WARS2: variants seen among roughly 807,000 people sequenced by gnomAD.
WARS2 encodes the protein tryptophanyl tRNA synthetase 2, mitochondrial, also known as tryptophan--tRNA ligase, mitochondrial.
In WARS2, 28 loss-of-function variants were observed where a neutral mutation model predicts 36.5. The observed-to-expected ratio is 0.77, with a 90% CI of 0.57 to 1.05. WARS2 has a LOEUF of 1.05. Ranked by LOEUF, WARS2 falls within the 50% of genes least tolerant of loss-of-function variation. The pLI is 0.00. For missense variants in WARS2, 435 were observed against 456.8 expected (o/e 0.95, Z 0.44); for synonymous variants, 174 against 178.4 (o/e 0.98, Z 0.20).
intron 2 of WARS2, among the ~76,000 whole-genome samples, chr1:119,055,150 T>G (rs1236331020): frequency 6.6e-6 from 1 of 152,232 alleles, no homozygotes; most frequent in Non-Finnish European, 1.5e-5. Context: ...GAGTTTTGTT[T>G]CAATAAATTG....
At position 119,045,641 on chromosome 1, in the gene WARS2, T is replaced by G; in HGVS notation, c.370A>C (p.Ser124Arg). The change falls in exon 3 of 6, where the codon AGT becomes CGT. Residue 124 changes from serine to arginine, a missense_variant. Ser to Arg is a moderately radical substitution (Grantham distance 110). Coordinates refer to ENST00000235521, the MANE Select transcript of WARS2 (RefSeq NM_015836.4). The stretch of plus-strand genomic sequence containing the variant: ...CTGACCATGCAGGAAAGGATCCAAC[T>G]TAATTGTGTGTGTTCAGACACCTAA... ...QSQVSEHTQL[S>R]WILSCMVRLP... 6.3e-7 allele frequency: 1 copy of G among 1,591,960 alleles called. No homozygotes were observed. Among genetic ancestry groups the G allele is most frequent in the Non-Finnish European group, 8.6e-7 (1 of 1,165,922 alleles).
intron 1 of WARS2, among the ~76,000 whole-genome samples, chr1:119,135,706 TTAGATAGACAGA>T (rs1656436485): frequency 7.2e-6 from 1 of 138,844 alleles, no homozygotes; most frequent in African/African-American, 2.6e-5. Context: ...GATAGATAGA[TTAGATAGACAGA>T]TAGATAGATA....
intron 1 of WARS2, among the ~76,000 whole-genome samples, chr1:119,095,444 G>A (rs1472197127): frequency 6.6e-6 from 1 of 151,508 alleles, no homozygotes; most frequent in Non-Finnish European, 1.5e-5. Flanking sequence ...TTTTTTTTGA[G>A]ATGGAGTCTC....
intron 4 of WARS2, among the ~76,000 whole-genome samples, chr1:119,036,685 C>A (rs1647913523): frequency 6.6e-6 from 1 of 152,188 alleles, no homozygotes; most frequent in Admixed American, 6.5e-5. Flanking sequence ...ACAAAGCAAC[C>A]AAACTAAACA....
rs149940339 is a variant in WARS2, at chr1:119,129,478, G to A, written c.90+11077C>T. On this transcript the variant is annotated intron_variant, in intron 1 of 5. Coordinates refer to ENST00000235521, the MANE Select transcript of WARS2 (RefSeq NM_015836.4). ...AATCTCAACACTTTGGGAGGCTGAG[G>A]CAGGAACACCATTTGAGCCCAGGAG... Among the ~76,000 whole-genome samples the A allele has an allele frequency of 3.5e-3, 534 of 152,246 alleles. 4 individuals carry two copies. Among genetic ancestry groups the A allele is most frequent in the South Asian group, 0.029 (138 of 4,824 alleles).
chr1:119,101,773 G>GA (rs917506331), intron 1 of WARS2, among the ~76,000 whole-genome samples: 16 of 152,052 alleles, frequency 1.1e-4, no homozygotes, highest in African/African-American at 3.9e-4. Context: ...ACAAGAGCAG[G>GA]AAAGAGCAGG....
At chr1:119,043,371 C>T (rs115532769) in intron 3 of WARS2, among the ~76,000 whole-genome samples, 2,019 of 152,274 alleles carry the variant, frequency 0.013, 30 homozygotes, top group African/African-American at 0.043. Flanking sequence ...AGGGACCAAG[C>T]TCATGAGCTT....
intron 2 of WARS2, among the ~76,000 whole-genome samples, chr1:119,074,186 G>A (rs1571319563): frequency 6.6e-6 from 1 of 152,184 alleles, no homozygotes; most frequent in Non-Finnish European, 1.5e-5. Context: ...TCCAACATTG[G>A]CAATGGATGT....
intron 1 of WARS2, among the ~76,000 whole-genome samples, chr1:119,091,856 G>A (rs1412032435): frequency 1.3e-5 from 2 of 152,158 alleles, no homozygotes; most frequent in African/African-American, 2.4e-5. Flanking sequence ...CGTAGAAGCC[G>A]CTGTGCTGAG....
In WARS2 at chr1:119,106,082, T is replaced by G. The variant is rs180950102; in HGVS notation, c.91-29475A>C. 3.3e-5 allele frequency among the ~76,000 whole-genome samples: 5 copies of G among 152,314 alleles called. No homozygotes were observed. The East Asian group carries it at 9.6e-4, about 29-fold the overall frequency. On this transcript the variant is annotated intron_variant, in intron 1 of 5. Coordinates refer to ENST00000235521, the MANE Select transcript of WARS2 (RefSeq NM_015836.4). ...AATAGGTAGAAGGAAGACAACGGAA[T>G]AAAAACCAACTTGGAATAGGCTGTT... is the stretch of plus-strand genomic sequence containing the variant.
At chr1:119,117,183 T>A (rs879645390) in intron 1 of WARS2, among the ~76,000 whole-genome samples, 7 of 152,086 alleles carry the variant, frequency 4.6e-5, no homozygotes, top group Admixed American at 4.6e-4. Flanking sequence ...GTGACTTGTA[T>A]GATACAGCAG....
rs142739265 is a variant in WARS2 at position 119,076,454 on chromosome 1, G to C, written c.244C>G (p.Pro82Ala). Residue 82 changes from proline (P) to alanine (A), a missense_variant, in exon 2 of 6, where the codon CCC (proline) becomes GCC (alanine). Pro to Ala is a conservative substitution (Grantham distance 27, BLOSUM62 -1). Coordinates refer to ENST00000235521, the MANE Select transcript of WARS2 (RefSeq NM_015836.4). ...TGCCGAAGGACAGCTGGGTCTTGGG[G>C]GACAGTAATGGAGTGGAGGTCAACA... ...SIVDLHSITV[P>A]QDPAVLRQSI... The C allele has an allele frequency of 4.8e-4, 768 of 1,614,012 alleles. No homozygotes were observed. Among genetic ancestry groups the C allele is most frequent in the Non-Finnish European group, 6.1e-4 (719 of 1,180,018 alleles).
At chr1:119,035,540 A>G (rs1163882788) in intron 4 of WARS2, among the ~76,000 whole-genome samples, 1 of 152,170 alleles carries the variant, frequency 6.6e-6, no homozygotes, top group Non-Finnish European at 1.5e-5. Context: ...TGACATGATG[A>G]AGGACAAATA....
chr1:119,114,680 T>C (rs1411527933), intron 1 of WARS2, among the ~76,000 whole-genome samples: 2 of 152,170 alleles, frequency 1.3e-5, no homozygotes, highest in African/African-American at 4.8e-5. Flanking sequence ...AGAAAAGTAA[T>C]TTTCATGGGT....
intron 1 of WARS2, among the ~76,000 whole-genome samples, chr1:119,093,288 T>G (rs1653170915): frequency 6.6e-6 from 1 of 151,936 alleles, no homozygotes; most frequent in African/African-American, 2.4e-5. Flanking sequence ...CTGAGTAATC[T>G]TTAGGATCTA....
chr1:119,098,500 C>T (rs1398727817), intron 1 of WARS2, among the ~76,000 whole-genome samples: 7 of 148,784 alleles, frequency 4.7e-5, no homozygotes, highest in South Asian at 2.2e-4. Context: ...TGCAATGGCA[C>T]GATCTCGGCT....
At chr1:119,123,228 A>G (rs1655441035) in intron 1 of WARS2, among the ~76,000 whole-genome samples, 2 of 152,238 alleles carry the variant, frequency 1.3e-5, no homozygotes, top group Non-Finnish European at 2.9e-5. Flanking sequence ...AAGAAGCTCT[A>G]CTGGGAAAAC....
At chr1:119,039,586 G>A (rs1362972896) in intron 4 of WARS2, among the ~76,000 whole-genome samples, 1 of 151,976 alleles carries the variant, frequency 6.6e-6, no homozygotes, top group Admixed American at 6.5e-5. Context: ...TTTGAGCATT[G>A]GAATATTTTG....
chr1:119,138,746 CT>C (rs953500952), intron 1 of WARS2, among the ~76,000 whole-genome samples: 104 of 152,184 alleles, frequency 6.8e-4, no homozygotes, highest in African/African-American at 2.3e-3. Flanking sequence ...TAGATTTATA[CT>C]TTAAAAAAAT....
Sources: allele counts gnomAD v4.1 joint callset (sites outside exome capture counted in the v4.1 genomes callset), GRCh38; gene constraint gnomAD v4.1.1; transcripts MANE v1.5; gene names NCBI Gene and HGNC (gene_info 2026-07-23, HGNC 2026-07-21).